The following GRIA2 variants were observed in gnomAD, a reference collection of about 807,000 sequenced individuals.
The protein encoded by GRIA2 is glutamate receptor 2.
In GRIA2, 14 loss-of-function variants were observed where a neutral mutation model predicts 97.3. The ratio of observed to expected loss-of-function variants is 0.14; its 90% CI spans 0.10 to 0.23. The LOEUF (loss-of-function observed/expected upper bound fraction) is 0.23, where lower values mean the gene tolerates loss of function less well. Among genes scored for constraint, GRIA2 ranks in the 10% least tolerant of loss-of-function variants. The probability of loss-of-function intolerance (pLI) is 1.00; values close to 1 mark genes in which losing one functional copy is unlikely to be tolerated. For synonymous variants in GRIA2, 412 were observed against 387.8 expected (o/e 1.06, Z -0.73); for missense variants, 558 against 1,069.8 (o/e 0.52, Z 6.67).
At chr4:157,330,745 G>A (rs140606246) in intron 6 of GRIA2, among the ~76,000 whole-genome samples, 92 of 151,906 alleles carry the variant, frequency 6.1e-4, no homozygotes, top group African/African-American at 2.0e-3. Context: ...CTGTAAAAAC[G>A]ATTTCCCTGA....
chr4:157,286,432 C>T (rs1247273426), intron 2 of GRIA2, among the ~76,000 whole-genome samples: 4 of 151,430 alleles, frequency 2.6e-5, no homozygotes, highest in Non-Finnish European at 4.4e-5. Context: ...ATGACACTTA[C>T]ATGACATTTT....
chr4:157,335,109 C>CT, intron 9 of GRIA2: 1 of 157,420 alleles, frequency 6.4e-6, no homozygotes, highest in African/African-American at 2.4e-5. Context: ...TAGCATCATT[C>CT]TAGGATATTG....
chr4:157,363,226 G>T, intron 15 of GRIA2, 179 bp downstream of exon 15: 1 of 714,010 alleles, frequency 1.4e-6, no homozygotes, highest in Non-Finnish European at 2.3e-6. Context: ...CCTCTTTAAT[G>T]GCACAGTAGC....
In GRIA2 at chr4:157,364,588, TAA is replaced by T. The variant is rs1736799004; in HGVS notation, c.*1159_*1160del. 6.6e-6 allele frequency: 1 copy of T among 152,178 alleles called. No homozygotes were observed. The allele number at this position is 152,178 out of a possible 1,614,324, so 9.4% of individuals were successfully genotyped here. ...ACCAGAATACGTGAAGTTCCATTTT[TAA>T]AGTGTTTGAGCTTACAGAAGAGAAA... On this transcript the variant is annotated 3_prime_UTR_variant, in exon 16 of 16. Coordinates refer to ENST00000264426, the MANE Select transcript of GRIA2 (RefSeq NM_001083619.3).
chr4:157,244,635 A>G (rs1050625826), intron 2 of GRIA2, among the ~76,000 whole-genome samples: 27 of 151,982 alleles, frequency 1.8e-4, no homozygotes, highest in Admixed American at 1.3e-3. Flanking sequence ...TGTGTTGTGG[A>G]TTGTCCTATA....
intron 12 of GRIA2, among the ~76,000 whole-genome samples, chr4:157,354,735 G>A (rs144543784): frequency 2.4e-4 from 37 of 152,244 alleles, no homozygotes; most frequent in Non-Finnish European, 4.3e-4. Flanking sequence ...GTGCACAAGG[G>A]TCCCAGCACT....
In GRIA2 at chr4:157,248,515, CTA is replaced by C. The variant is rs1421583421; in HGVS notation, c.229+26718_229+26719del. Among the ~76,000 whole-genome samples the C allele has an allele frequency of 1.0e-4, 4 of 38,276 alleles. No individual in the cohort carries two copies. In the East Asian group the frequency reaches 2.3e-3, roughly 22 times the overall value. The allele number at this position is 38,276 out of a possible 152,430, so 25.1% of individuals were successfully genotyped here. ...TCGGGAGGCGGAGGTTTCAGTGAGC[CTA>C]TATATATATGTGTGTGTGTGTTTAT... On this transcript the variant is annotated intron_variant, in intron 2 of 15. Transcript: ENST00000264426.
intron 12 of GRIA2, among the ~76,000 whole-genome samples, chr4:157,354,884 G>A (rs1579388062): frequency 1.3e-5 from 2 of 152,132 alleles, no homozygotes; most frequent in South Asian, 2.1e-4. Context: ...TGTAGCATTA[G>A]CATTTTAAGT....
chr4:157,290,275 A>C lies in GRIA2; in HGVS notation c.230-13277A>C, dbSNP rs543464378. ...ATATTATTTTATGAAAGTACTATAA[A>C]ATTTTGCAAACAATTTGGCAAAATC... On this transcript the variant is annotated intron_variant, in intron 2 of 15. Transcript: ENST00000264426. 2.0e-5 allele frequency among the ~76,000 whole-genome samples: 3 copies of C among 152,004 alleles called. No homozygotes were observed. In the South Asian group the frequency reaches 6.2e-4, roughly 31 times the overall value.
chr4:157,249,739 C>A (rs766857814), intron 2 of GRIA2: 3 of 152,104 alleles, frequency 2.0e-5, no homozygotes, highest in Non-Finnish European at 4.4e-5. Context: ...TAGGTCTGAG[C>A]CCATTGTAGA....
chr4:157,328,644 T>C (rs1734913910), intron 6 of GRIA2, among the ~76,000 whole-genome samples: 1 of 152,026 alleles, frequency 6.6e-6, no homozygotes, highest in Non-Finnish European at 1.5e-5. Context: ...GATTTCAGCA[T>C]CTTTTTTCTG....
intron 2 of GRIA2, among the ~76,000 whole-genome samples, chr4:157,277,881 T>G (rs985162491): frequency 7.0e-6 from 1 of 143,364 alleles, no homozygotes; most frequent in Non-Finnish European, 1.5e-5. Context: ...TGTATATATA[T>G]GTATATATGT....
chr4:157,225,429 G>A (rs551651272), intron 2 of GRIA2, among the ~76,000 whole-genome samples: 32 of 151,350 alleles, frequency 2.1e-4, no homozygotes, highest in African/African-American at 7.5e-4. Context: ...TTTCCTGAAG[G>A]TTGTTCAAAC....
At chr4:157,351,301 T>C (rs1007976897) in intron 12 of GRIA2, among the ~76,000 whole-genome samples, 15 of 152,148 alleles carry the variant, frequency 9.9e-5, no homozygotes, top group African/African-American at 3.4e-4. Flanking sequence ...AATGTGCCAA[T>C]TGAATAACAC....
At chr4:157,297,208 A>G (rs978592037) in intron 2 of GRIA2, among the ~76,000 whole-genome samples, 7 of 152,142 alleles carry the variant, frequency 4.6e-5, no homozygotes, top group Admixed American at 1.3e-4. Context: ...AGAGAGGTCT[A>G]ATGGGCAATA....
chr4:157,268,903 A>T (rs1731890822), intron 2 of GRIA2, among the ~76,000 whole-genome samples: 1 of 152,088 alleles, frequency 6.6e-6, no homozygotes, highest in Non-Finnish European at 1.5e-5. Context: ...TCTCTTTTTG[A>T]ATTTAGCAAA....
intron 2 of GRIA2, among the ~76,000 whole-genome samples, chr4:157,276,131 A>G (rs944937066): frequency 2.6e-4 from 40 of 152,106 alleles, no homozygotes; most frequent in Middle Eastern, 3.4e-3. Context: ...AAGCAATTGT[A>G]AATGGGAGTT....
chr4:157,332,275 T>C (rs1452339290), intron 6 of GRIA2, among the ~76,000 whole-genome samples: 2 of 151,954 alleles, frequency 1.3e-5, no homozygotes, highest in African/African-American at 2.4e-5. Flanking sequence ...TTATGAAGTT[T>C]TGTGGTTCTT....
At chr4:157,279,448 G>C (rs565199297) in intron 2 of GRIA2, among the ~76,000 whole-genome samples, 1 of 152,210 alleles carries the variant, frequency 6.6e-6, no homozygotes, top group Admixed American at 6.5e-5. Context: ...AGGAGGGAAG[G>C]ATGAATAGGC....
Sources: allele counts gnomAD v4.1 joint callset (sites outside exome capture counted in the v4.1 genomes callset), GRCh38; gene constraint gnomAD v4.1.1; transcripts MANE v1.5; gene names NCBI Gene and HGNC (gene_info 2026-07-23, HGNC 2026-07-21).